PRRC2B: variants seen among roughly 807,000 people sequenced by gnomAD.
The protein encoded by PRRC2B is protein PRRC2B.
Under a neutral mutation model 242.3 loss-of-function variants are expected in PRRC2B, and 68 were observed. The observed-to-expected ratio is 0.28, with a 90% CI of 0.23 to 0.34. The LOEUF (loss-of-function observed/expected upper bound fraction) is 0.34. Ranked by LOEUF, PRRC2B falls within the 10% of genes least tolerant of loss-of-function variation. The pLI is 1.00. For missense variants in PRRC2B, 2,835 were observed against 2,954.8 expected (o/e 0.96, Z 0.94); for synonymous variants, 1,228 against 1,173.6 (o/e 1.05, Z -0.95).
chr9:131,462,692 G>A (rs1564291390), intron 11 of PRRC2B, among the ~76,000 whole-genome samples: 3 of 151,660 alleles, frequency 2.0e-5, no homozygotes, highest in Admixed American at 2.0e-4. Context: ...ACAAAAATTA[G>A]CCAGGCGTGG....
intron 5 of PRRC2B, among the ~76,000 whole-genome samples, chr9:131,439,907 T>G (rs1216454637): frequency 6.6e-6 from 1 of 152,010 alleles, no homozygotes; most frequent in Non-Finnish European, 1.5e-5. Context: ...CTGATTTTTT[T>G]TTTTTTTCTT....
intron 4 of PRRC2B, among the ~76,000 whole-genome samples, chr9:131,437,784 A>C (rs934655095): frequency 2.6e-5 from 4 of 152,216 alleles, no homozygotes; most frequent in Non-Finnish European, 5.9e-5. Context: ...TGGGACCCAT[A>C]GGCTAGTCAG....
At chr9:131,486,783 A>G (rs372069228) in intron 26 of PRRC2B, among the ~76,000 whole-genome samples, 23 of 152,252 alleles carry the variant, frequency 1.5e-4, no homozygotes, top group Middle Eastern at 3.4e-3. Flanking sequence ...TTTTAAAAAC[A>G]TGTTCTTAAC....
intron 1 of PRRC2B, among the ~76,000 whole-genome samples, chr9:131,385,278 T>C (rs1400988173): frequency 6.7e-6 from 1 of 148,646 alleles, no homozygotes; most frequent in Non-Finnish European, 1.5e-5. Flanking sequence ...TAGGCGGAAG[T>C]GGCAGTGAGC....
At chr9:131,448,549 A>AAAAAAAAAAAAAC (rs1344359500) in intron 9 of PRRC2B, among the ~76,000 whole-genome samples, 2,042 of 85,664 alleles carry the variant, frequency 0.024, 295 homozygotes, top group African/African-American at 0.049. Flanking sequence ...GTCTCAAAAA[A>AAAAAAAAAAAAAC]AAAAAAAAAA....
intron 1 of PRRC2B, among the ~76,000 whole-genome samples, chr9:131,388,619 C>T (rs1836857058): frequency 6.7e-6 from 1 of 150,014 alleles, no homozygotes; most frequent in Admixed American, 6.9e-5. Flanking sequence ...TCTTGGCTCA[C>T]TGCAACCTCC....
At chr9:131,388,916 C>T (rs1000467873) in intron 1 of PRRC2B, among the ~76,000 whole-genome samples, 3 of 147,794 alleles carry the variant, frequency 2.0e-5, no homozygotes, top group Non-Finnish European at 4.5e-5. Flanking sequence ...TCTTGGCTCA[C>T]TGCAACCTCC....
intron 1 of PRRC2B, among the ~76,000 whole-genome samples, chr9:131,401,956 T>G (rs1392605397): frequency 6.6e-6 from 1 of 150,812 alleles, no homozygotes; most frequent in Non-Finnish European, 1.5e-5. Context: ...CCACTGTGCT[T>G]GGTCTAATTT....
intron 11 of PRRC2B, among the ~76,000 whole-genome samples, chr9:131,462,615 G>A (rs1943272132): frequency 6.6e-6 from 1 of 151,572 alleles, no homozygotes; most frequent in Non-Finnish European, 1.5e-5. Flanking sequence ...CGAGGCGGGT[G>A]GATCACGAGG....
At chr9:131,379,289 A>G (rs1836725144) in intron 1 of PRRC2B, among the ~76,000 whole-genome samples, 2 of 152,122 alleles carry the variant, frequency 1.3e-5, no homozygotes, top group Non-Finnish European at 2.9e-5. Context: ...TCTGTTTTCC[A>G]TGTGTTGGGG....
intron 16 of PRRC2B, 82 bp downstream of exon 16, chr9:131,476,617 C>CCG: frequency 7.6e-7 from 1 of 1,316,844 alleles, no homozygotes; most frequent in South Asian, 1.5e-5. Flanking sequence ...CATGCCGATG[C>CCG]CGCCGTGTGT....
chr9:131,495,258 A>G (rs944611927), intron 31 of PRRC2B, among the ~76,000 whole-genome samples: 4 of 150,826 alleles, frequency 2.7e-5, no homozygotes, highest in Non-Finnish European at 5.9e-5. Context: ...CAGAGTGGGA[A>G]TGGTGGGGGG....
upstream of PRRC2B, among the ~76,000 whole-genome samples, chr9:131,390,781 C>CT (rs57100225): frequency 6.0e-3 from 223 of 36,958 alleles, 8 homozygotes; most frequent in African/African-American, 0.019. Context: ...TGTGCCCTAG[C>CT]TTTTTTTTTT....
chr9:131,461,519 C>T (rs188677668), intron 11 of PRRC2B, among the ~76,000 whole-genome samples: 3 of 152,256 alleles, frequency 2.0e-5, no homozygotes, highest in African/African-American at 7.2e-5. Flanking sequence ...GTAAAGCCTG[C>T]TATTTTCAGT....
rs1944285868 is a variant in PRRC2B at position 131,494,790 on chromosome 9, G to A, written c.6555+304G>A. ...AGGTCGGGGCTGAGGCGCCCTGGGA[G>A]ACTCGGTTAGGTTTGGGGGTCGGCT... is the stretch of plus-strand genomic sequence containing the variant. On this transcript the variant is annotated intron_variant, in intron 31 of 31. Coordinates refer to ENST00000683519, the MANE Select transcript of PRRC2B (RefSeq NM_013318.4). The surrounding 1 kb of genome is among the most constrained non-coding windows in gnomAD (Gnocchi z 4.3). 6.6e-6 allele frequency among the ~76,000 whole-genome samples: 1 copy of A among 152,176 alleles called. No individual in the cohort carries two copies. The highest frequency in any genetic ancestry group is 2.1e-4 in the South Asian group (1 of 4,822).
At chr9:131,422,332 C>T (rs1189133713) in intron 1 of PRRC2B, among the ~76,000 whole-genome samples, 2 of 152,186 alleles carry the variant, frequency 1.3e-5, no homozygotes, top group Non-Finnish European at 2.9e-5. Context: ...GGATTACAGG[C>T]GTGAGTCACC....
intron 12 of PRRC2B, 143 bp downstream of exon 12, chr9:131,465,221 A>G (rs1047822471): frequency 6.7e-5 from 55 of 825,704 alleles, no homozygotes; most frequent in Middle Eastern, 4.6e-4. Flanking sequence ...TATTAAGAGC[A>G]TAGGCCTGGG....
chr9:131,438,542 G>T (rs1468072857), intron 4 of PRRC2B, among the ~76,000 whole-genome samples: 1 of 152,196 alleles, frequency 6.6e-6, no homozygotes, highest in Non-Finnish European at 1.5e-5. Context: ...GATCTGGCAT[G>T]TTGGCCTTCT....
chr9:131,443,037 CAT>C (rs147803622), intron 5 of PRRC2B, among the ~76,000 whole-genome samples: 17,262 of 152,182 alleles, frequency 0.11, 1,058 homozygotes, highest in Non-Finnish European at 0.13. Context: ...AGGAGTTACT[CAT>C]GTGTATAAAT....
Sources: gnomAD v4.1 joint callset for allele counts (sites outside exome capture counted in the v4.1 genomes callset) on GRCh38, gnomAD v4.1.1 for gene constraint, Gnocchi (gnomAD v3.1) non-coding constraint, MANE v1.5 for transcripts, NCBI Gene and HGNC (gene_info 2026-07-23, HGNC 2026-07-21) for gene names.